The following NAE1 variants were observed in gnomAD, a reference collection of about 807,000 sequenced individuals.
NAE1 encodes the protein NEDD8 activating enzyme E1 subunit 1.
A neutral mutation model predicts 88.0 loss-of-function variants in NAE1; 59 were observed. The ratio of observed to expected loss-of-function variants is 0.67; its 90% CI spans 0.54 to 0.83. The LOEUF (loss-of-function observed/expected upper bound fraction) is 0.83, where lower values mean the gene tolerates loss of function less well. Among genes scored for constraint, NAE1 ranks in the 40% least tolerant of loss-of-function variants. The probability of loss-of-function intolerance (pLI) is 0.00; values close to 1 mark genes in which losing one functional copy is unlikely to be tolerated. For synonymous variants in NAE1, 186 were observed against 208.9 expected, an observed-to-expected ratio of 0.89 and a Z score of 0.95; for missense variants, 554 against 632.8, an observed-to-expected ratio of 0.88 and a Z score of 1.34.
intron 13 of NAE1, among the ~76,000 whole-genome samples, chr16:66,811,826 T>C (rs955937031): frequency 1.3e-5 from 2 of 152,212 alleles, no homozygotes; most frequent in East Asian, 1.9e-4. Flanking sequence ...AAGTTTTAAG[T>C]AGTTGAACTC....
At chr16:66,805,059 G>A (rs1168715465) in intron 19 of NAE1, among the ~76,000 whole-genome samples, 2 of 152,168 alleles carry the variant, frequency 1.3e-5, no homozygotes, top group Non-Finnish European at 2.9e-5. Flanking sequence ...TGTCATTTTT[G>A]AGTTGGGTCT....
At chr16:66,816,806 A>T in intron 10 of NAE1, 134 bp from the exon 11 acceptor site, 1 of 1,304,136 alleles carries the variant, frequency 7.7e-7, no homozygotes, top group Non-Finnish European at 1.0e-6. Flanking sequence ...ATTAGTCCTT[A>T]AAACTATACA....
chr16:66,820,886 G>A (rs976047683), intron 7 of NAE1, among the ~76,000 whole-genome samples: 1 of 144,270 alleles, frequency 6.9e-6, no homozygotes, highest in Non-Finnish European at 1.5e-5. Context: ...GAGCAAAAGA[G>A]AGAGACTCCG....
intron 11 of NAE1, among the ~76,000 whole-genome samples, chr16:66,814,179 T>TC (rs1455856878): frequency 6.6e-6 from 1 of 152,186 alleles, no homozygotes; most frequent in Non-Finnish European, 1.5e-5. Context: ...ATCATGATTT[T>TC]CCATCTTGTC....
intron 1 of NAE1, chr16:66,828,011 C>A (rs555288309): frequency 1.7e-5 from 28 of 1,613,918 alleles, no homozygotes; most frequent in Middle Eastern, 1.6e-4. Flanking sequence ...TGCTGAGCAT[C>A]CATCTTTCCA....
In NAE1 at chr16:66,823,310, A is replaced by C. The variant is rs1159172902; in HGVS notation, c.322-4T>G. On this transcript the variant is annotated splice_polypyrimidine_tract_variant and splice_region_variant and intron_variant, in intron 5 of 19. Transcript: ENST00000290810. ...TGTCTAGAAGGTTTTCTGGACTCTAAACAGGACAGCAAAGAAAAAAACAAA... is the reference window on the plus strand; with the variant it reads ...TGTCTAGAAGGTTTTCTGGACTCTACACAGGACAGCAAAGAAAAAAACAAA... 6.3e-7 allele frequency: 1 copy of C among 1,592,312 alleles called. No individual in the cohort carries two copies. Among genetic ancestry groups the C allele is most frequent in the Admixed American group, 1.8e-5 (1 of 55,444 alleles).
At chr16:66,809,181 A>T (rs1320745257) in intron 15 of NAE1, 106 bp from the exon 16 acceptor site, 1 of 693,472 alleles carries the variant, frequency 1.4e-6, no homozygotes, top group East Asian at 3.0e-5. Context: ...CTTCTCAGAC[A>T]TGAGAATGTG....
intron 14 of NAE1, 34 bp downstream of exon 14, chr16:66,810,663 G>T: frequency 6.3e-7 from 1 of 1,586,508 alleles, no homozygotes; most frequent in Non-Finnish European, 8.6e-7. Flanking sequence ...TACGTGCTGA[G>T]GCCTGTATGG....
intron 1 of NAE1, among the ~76,000 whole-genome samples, chr16:66,828,382 T>C (rs1012465393): frequency 1.3e-5 from 2 of 150,244 alleles, no homozygotes; most frequent in African/African-American, 4.9e-5. Context: ...TCCCAGCTAC[T>C]AGGGAGGCTG....
intron 13 of NAE1, among the ~76,000 whole-genome samples, chr16:66,812,923 C>T (rs1409675069): frequency 2.0e-5 from 3 of 148,924 alleles, no homozygotes; most frequent in African/African-American, 7.4e-5. Context: ...CCCGGGTTCA[C>T]GCTATTCTCC....
intron 1 of NAE1, among the ~76,000 whole-genome samples, chr16:66,829,806 C>T (rs1009548467): frequency 6.6e-6 from 1 of 152,228 alleles, no homozygotes; most frequent in Admixed American, 6.5e-5. Context: ...CTGCTAGCCA[C>T]ATGTACTACT....
At chr16:66,806,281 A>G in intron 17 of NAE1, 1 of 316,260 alleles carries the variant, frequency 3.2e-6, no homozygotes, top group Non-Finnish European at 5.8e-6. Flanking sequence ...AGCATCTGGC[A>G]CATAGTGCTT....
intron 7 of NAE1, 74 bp from the exon 8 acceptor site, chr16:66,818,711 ATT>A (rs1960147809): frequency 6.8e-7 from 1 of 1,481,370 alleles, no homozygotes; most frequent in South Asian, 1.4e-5. Context: ...GTCTTGCTGT[ATT>A]ACCCAGGCTG....
chr16:66,816,735 A>G, intron 10 of NAE1, 63 bp from the exon 11 acceptor site: 2 of 1,361,830 alleles, frequency 1.5e-6, no homozygotes, highest in Non-Finnish European at 2.1e-6. Context: ...TTCCCCCATT[A>G]TAAAAATAAC....
At chr16:66,810,242 C>T (rs1959737957) in intron 15 of NAE1, 132 bp downstream of exon 15, 1 of 695,766 alleles carries the variant, frequency 1.4e-6, no homozygotes, top group Non-Finnish European at 2.5e-6. Context: ...AAACCTTACC[C>T]AATAATTATC....
At chr16:66,804,063 G>C (rs1053113416) in intron 19 of NAE1, among the ~76,000 whole-genome samples, 2 of 152,048 alleles carry the variant, frequency 1.3e-5, no homozygotes, top group African/African-American at 2.4e-5. Flanking sequence ...ACTGACCATA[G>C]GTGCTAAGGA....
At chr16:66,809,925 C>T (rs939332201) in intron 15 of NAE1, among the ~76,000 whole-genome samples, 1 of 152,082 alleles carries the variant, frequency 6.6e-6, no homozygotes, top group East Asian at 1.9e-4. Flanking sequence ...AAGACTCCTA[C>T]GAACCTAACC....
intron 8 of NAE1, among the ~76,000 whole-genome samples, chr16:66,817,842 A>T (rs1261601469): frequency 6.6e-6 from 1 of 152,188 alleles, no homozygotes; most frequent in Non-Finnish European, 1.5e-5. Context: ...ATTAATATGG[A>T]AGTGGGAAAA....
chr16:66,826,722 CATTT>C lies in NAE1; in HGVS notation c.108_111del (p.Ile36MetfsTer60), dbSNP rs1375403109. The C allele has an allele frequency of 1.2e-6, 2 of 1,614,004 alleles. No individual in the cohort carries two copies. The highest frequency in any genetic ancestry group is 1.7e-6 in the Non-Finnish European group (2 of 1,180,012). On this transcript the variant is annotated frameshift_variant, in exon 2 of 20. Transcript: ENST00000290810. LOFTEE classifies it high-confidence loss of function. The stretch of plus-strand genomic sequence containing the variant: ...AGAATTTCAGTTCCTGTGGCTGTTG[CATTT>C]ATTAGGCAAACATGAGCAGATTCTA...
Sources: allele counts gnomAD v4.1 joint callset (sites outside exome capture counted in the v4.1 genomes callset), GRCh38; gene constraint gnomAD v4.1.1; transcripts MANE v1.5; gene names NCBI Gene and HGNC (gene_info 2026-07-23, HGNC 2026-07-21).